Variants in SPOP observed in about 807,000 individuals in gnomAD.
SPOP encodes the protein speckle-type POZ protein.
Under a neutral mutation model 45.6 loss-of-function variants are expected in SPOP, and 11 were observed. The ratio of observed to expected loss-of-function variants is 0.24; its 90% CI spans 0.15 to 0.40. SPOP has a LOEUF of 0.40. Among genes scored for constraint, SPOP ranks in the 10% least tolerant of loss-of-function variants. The probability of loss-of-function intolerance (pLI) is 1.00; values close to 1 mark genes in which losing one functional copy is unlikely to be tolerated. For synonymous variants in SPOP, 166 were observed against 166.3 expected (o/e 1.00, Z 0.01); for missense variants, 152 against 465.6 (o/e 0.33, Z 6.20).
At chr17:49,670,949 C>T (rs1019318439) in intron 1 of SPOP, among the ~76,000 whole-genome samples, 3 of 152,216 alleles carry the variant, frequency 2.0e-5, no homozygotes, top group Middle Eastern at 3.4e-3. Flanking sequence ...TGTGCATAGA[C>T]GCACAGATGT....
chr17:49,645,173 G>A (rs541352807), intron 1 of SPOP, among the ~76,000 whole-genome samples: 1 of 152,264 alleles, frequency 6.6e-6, no homozygotes, highest in East Asian at 1.9e-4. Flanking sequence ...TCTCACTAAG[G>A]AAAATCCTGT....
chr17:49,617,411 T>G (rs986011942), intron 5 of SPOP, among the ~76,000 whole-genome samples: 3 of 152,192 alleles, frequency 2.0e-5, no homozygotes, highest in African/African-American at 7.2e-5. Flanking sequence ...GACGTTAGAT[T>G]TACACAGAAT....
Position 49,624,341 on chromosome 17 carries a change from A to G in SPOP, c.-66-1465T>C, listed in dbSNP as rs956605469. On this transcript the variant is annotated intron_variant, in intron 1 of 9. Transcript: ENST00000504102. ...CACACGCGCGCGCGCGCACACACAC[A>G]CACACACACACACACACACACACGG... Among the ~76,000 whole-genome samples the G allele has an allele frequency of 5.7e-4, 66 of 115,720 alleles. No individual in the cohort carries two copies. In the South Asian group the frequency reaches 6.9e-3, roughly 12 times the overall value. 75.9% of individuals were successfully genotyped at this position (115,720 alleles called of 152,430 possible).
chr17:49,668,775 CTTT>C (rs371542684), intron 1 of SPOP, among the ~76,000 whole-genome samples: 2 of 138,926 alleles, frequency 1.4e-5, no homozygotes, highest in Non-Finnish European at 3.1e-5. Flanking sequence ...ATATACATAT[CTTT>C]TTTTTTTTTT....
intron 5 of SPOP, among the ~76,000 whole-genome samples, chr17:49,611,991 TTCTAC>T (rs985228522): frequency 4.6e-5 from 7 of 151,848 alleles, no homozygotes; most frequent in African/African-American, 1.7e-4. Flanking sequence ...CAAGTGATCC[TTCTAC>T]TCTAGCCTCT....
chr17:49,667,091 T>C (rs2073070288), intron 1 of SPOP, among the ~76,000 whole-genome samples: 1 of 146,608 alleles, frequency 6.8e-6, no homozygotes, highest in African/African-American at 2.5e-5. Flanking sequence ...GGCAGGAGAA[T>C]CACTTGAACC....
At chr17:49,607,117 G>A in intron 8 of SPOP, 133 bp downstream of exon 8, 2 of 1,108,860 alleles carry the variant, frequency 1.8e-6, no homozygotes, top group South Asian at 3.0e-5. Flanking sequence ...AATAATATGT[G>A]TAAACCAGGA....
intron 1 of SPOP, among the ~76,000 whole-genome samples, chr17:49,624,647 AT>A (rs1280114395): frequency 6.6e-6 from 1 of 151,606 alleles, no homozygotes; most frequent in Non-Finnish European, 1.5e-5. Context: ...AATTTTTTGT[AT>A]TTTTTTGTGG....
At chr17:49,611,553 A>G (rs1449037129) in intron 5 of SPOP, 96 bp from the exon 6 acceptor site, 4 of 1,089,736 alleles carry the variant, frequency 3.7e-6, no homozygotes, top group Non-Finnish European at 4.1e-6. Flanking sequence ...TAGTACATTC[A>G]GATACTAATA....
At chr17:49,605,759 G>A (rs1445455649) in intron 8 of SPOP, among the ~76,000 whole-genome samples, 1 of 151,922 alleles carries the variant, frequency 6.6e-6, no homozygotes, top group Non-Finnish European at 1.5e-5. Flanking sequence ...AGGCAGAGGT[G>A]GGCGGATCAC....
At chr17:49,629,767 G>A (rs2072414222) in intron 1 of SPOP, among the ~76,000 whole-genome samples, 1 of 152,148 alleles carries the variant, frequency 6.6e-6, no homozygotes, top group African/African-American at 2.4e-5. Context: ...TCCATCATCA[G>A]TCTAATCTAC....
chr17:49,662,144 A>G (rs945418323), intron 1 of SPOP, among the ~76,000 whole-genome samples: 6 of 152,028 alleles, frequency 3.9e-5, no homozygotes, highest in African/African-American at 1.4e-4. Context: ...TTTCTCTTCT[A>G]TGCCTTTTCT....
rs778506020 is a variant in SPOP at position 49,644,788 on chromosome 17, AAATT to A, written c.-66-21916_-66-21913del. On this transcript the variant is annotated intron_variant, in intron 1 of 9. Coordinates refer to ENST00000504102, the MANE Select transcript of SPOP (RefSeq NM_001007228.2). ...CATATGTATATAATTTATTGTCTAA[AAATT>A]AAACACGTAAAGCAATACATTTTCA... Among the ~76,000 whole-genome samples, 3 of 152,306 alleles carry A rather than the reference AAATT, an allele frequency of 2.0e-5. No homozygotes were observed. In the East Asian group the frequency reaches 5.8e-4, roughly 29 times the overall value.
chr17:49,622,882 C>A lies in SPOP; in HGVS notation c.-66-6G>T. On this transcript the variant is annotated splice_polypyrimidine_tract_variant and splice_region_variant and intron_variant, in intron 1 of 9. Coordinates refer to ENST00000504102, the MANE Select transcript of SPOP (RefSeq NM_001007228.2). ...ATTTCTGTTCCCTCTTCACCCTGGT[C>A]AGATCCAAGAAGCAAGAAAACTTTA... 2 of 1,242,490 alleles carry A rather than the reference C, an allele frequency of 1.6e-6. No individual in the cohort carries two copies. The highest frequency in any genetic ancestry group is 2.4e-5 in the South Asian group (2 of 83,356). 77.0% of individuals were successfully genotyped at this position (1,242,490 alleles called of 1,614,324 possible). A position where few individuals can be genotyped will look rare whatever the true frequency, so the allele number is the denominator to read the frequency against.
intron 1 of SPOP, among the ~76,000 whole-genome samples, chr17:49,631,236 C>G (rs2072445864): frequency 6.6e-6 from 1 of 152,170 alleles, no homozygotes; most frequent in African/African-American, 2.4e-5. Flanking sequence ...AGTTCATCAA[C>G]AGTGGATTAA....
chr17:49,649,269 G>A (rs1045612410), intron 1 of SPOP, among the ~76,000 whole-genome samples: 4 of 152,054 alleles, frequency 2.6e-5, no homozygotes, highest in African/African-American at 9.7e-5. Context: ...CGGGAGCTGT[G>A]GCTCACGCCT....
intron 8 of SPOP, among the ~76,000 whole-genome samples, chr17:49,604,193 T>C (rs1053029587): frequency 6.6e-5 from 10 of 152,224 alleles, no homozygotes; most frequent in African/African-American, 2.4e-4. Context: ...GTTATTGGAT[T>C]GTGTCTTCTA....
intron 1 of SPOP, among the ~76,000 whole-genome samples, chr17:49,632,038 A>G (rs2072460536): frequency 6.6e-6 from 1 of 152,224 alleles, no homozygotes; most frequent in Admixed American, 6.5e-5. Flanking sequence ...CCCTGTGCCT[A>G]GAATGGCATA....
chr17:49,620,068 G>A (rs2072187443), intron 3 of SPOP, among the ~76,000 whole-genome samples: 1 of 152,134 alleles, frequency 6.6e-6, no homozygotes, highest in East Asian at 1.9e-4. Context: ...TACTCAGGAG[G>A]CTGAGGCAGG....
Sources: gnomAD v4.1 joint callset for allele counts (sites outside exome capture counted in the v4.1 genomes callset) on GRCh38, gnomAD v4.1.1 for gene constraint, MANE v1.5 for transcripts, NCBI Gene and HGNC (gene_info 2026-07-23, HGNC 2026-07-21) for gene names.